PHLDB3: variants seen among roughly 807,000 people sequenced by gnomAD.
PHLDB3 encodes pleckstrin homology like domain family B member 3.
PHLDB3 carries 86 observed loss-of-function variants against 85.7 expected under a neutral mutation model. That is an observed-to-expected ratio of 1.00 (90% CI 0.84 to 1.20). The LOEUF is 1.20. Among genes scored for constraint, PHLDB3 ranks in the 50% most tolerant of loss-of-function variants. PHLDB3 has a pLI of 0.00. For missense variants in PHLDB3, 995 were observed against 873.0 expected (o/e 1.14, Z -1.76); for synonymous variants, 376 against 349.8 (o/e 1.07, Z -0.83).
intron 10 of PHLDB3, 55 bp downstream of exon 10, chr19:43,486,969 T>C: frequency 6.8e-7 from 1 of 1,481,398 alleles, no homozygotes; most frequent in South Asian, 1.4e-5. Context: ...CTCCATCCTC[T>C]GCTGCAGGAT....
chr19:43,504,160 C>A (rs1971694452), intron 1 of PHLDB3, 28 bp from the exon 2 acceptor site: 1 of 1,519,476 alleles, frequency 6.6e-7, no homozygotes, highest in Non-Finnish European at 8.8e-7. Flanking sequence ...CCAGAAGCTC[C>A]GGGGGCGGGG....
At position 43,500,923 on chromosome 19, in the gene PHLDB3, C is replaced by CCCCCCCCCCCA. The variant is rs1555757872; in HGVS notation, c.534+810_534+811insTGGGGGGGGGG. Among the ~76,000 whole-genome samples, 5 of 105,760 alleles carry CCCCCCCCCCCA rather than the reference C, an allele frequency of 4.7e-5. 1 individual carries two copies. The highest frequency in any genetic ancestry group is 8.7e-5 in the Non-Finnish European group (4 of 46,206). The allele number at this position is 105,760 out of a possible 152,430, so 69.4% of individuals were successfully genotyped here. ...CCGCCCCCCGTACCCCCCCCCCACC[C>CCCCCCCCCCCA]CGCAAGTACTGGGATTACAGGTGTG... On this transcript the variant is annotated intron_variant, in intron 4 of 15. Coordinates refer to ENST00000292140, the MANE Select transcript of PHLDB3 (RefSeq NM_198850.4).
At position 43,502,282 on chromosome 19, in the gene PHLDB3, G is replaced by C; in HGVS notation, c.215C>G (p.Pro72Arg). 6.4e-7 allele frequency: 1 copy of C among 1,553,618 alleles called. No individual in the cohort carries two copies. The highest frequency in any genetic ancestry group is 1.2e-5 in the South Asian group (1 of 84,920). The stretch of plus-strand genomic sequence containing the variant: ...CATAGCTATCGGAGGCGTAGCCTCG[G>C]GCTGAAGTTGAGGGGGGCGTGGTTA... ...GSSTESSRDA[P>R]EATPPIAMAA... Residue 72 changes from proline (P) to arginine (R), a missense_variant and splice_region_variant, in exon 3 of 16, where the codon CCC (proline) becomes CGC (arginine). Coordinates refer to ENST00000292140, the MANE Select transcript of PHLDB3 (RefSeq NM_198850.4).
In PHLDB3 at chr19:43,501,956, A is replaced by C. The variant is rs185513779; in HGVS notation, c.397-85T>G. The C allele has an allele frequency of 1.3e-3, 1,976 of 1,487,850 alleles. 16 individuals are homozygous for C. The African/African-American group carries it at 0.025, about 18-fold the overall frequency. 92.2% of individuals were successfully genotyped at this position (1,487,850 alleles called of 1,614,324 possible). A position where few individuals can be genotyped will look rare whatever the true frequency, so the allele number is the denominator to read the frequency against. On this transcript the variant is annotated intron_variant, in intron 3 of 15. Coordinates refer to ENST00000292140, the MANE Select transcript of PHLDB3 (RefSeq NM_198850.4). ...GGCCTGAACTACCGGATTCGAAGGG[A>C]GGATGGACTCCAGGGACCTGAATTT...
chr19:43,500,362 C>A (rs28622038), intron 4 of PHLDB3, among the ~76,000 whole-genome samples: 8,970 of 152,226 alleles, frequency 0.059, 409 homozygotes, highest in Admixed American at 0.13. Flanking sequence ...CTCTAACCAA[C>A]ACCCACTTGC....
At chr19:43,504,329 C>T (rs983620050) in intron 1 of PHLDB3, 197 bp from the exon 2 acceptor site, 28 of 603,726 alleles carry the variant, frequency 4.6e-5, no homozygotes, top group Admixed American at 3.4e-4. Context: ...CGACACGCCA[C>T]CGGAGACGGG....
chr19:43,497,721 A>G (rs1971495294), intron 5 of PHLDB3, 27 bp downstream of exon 5: 1 of 1,546,014 alleles, frequency 6.5e-7, no homozygotes, highest in South Asian at 1.2e-5. Context: ...CAAAAAAAAC[A>G]AAAAAGAAAG....
At position 43,494,886 on chromosome 19, in the gene PHLDB3, C is replaced by A. The variant is rs1971407517; in HGVS notation, c.1036-71G>T. 3 of 1,149,104 alleles carry A rather than the reference C, an allele frequency of 2.6e-6. No individual in the cohort carries two copies. In the South Asian group the frequency reaches 4.2e-5, roughly 16 times the overall value. 71.2% of individuals were successfully genotyped at this position (1,149,104 alleles called of 1,614,324 possible). A position where few individuals can be genotyped will look rare whatever the true frequency, so the allele number is the denominator to read the frequency against. On this transcript the variant is annotated intron_variant, in intron 8 of 15. Coordinates refer to ENST00000292140, the MANE Select transcript of PHLDB3 (RefSeq NM_198850.4). ...GAGCAACTGCCAGTTTCCACGTGCTCTGGCCCATGCCTCTAGTGCCACCCA... is the reference window on the plus strand; with the variant it reads ...GAGCAACTGCCAGTTTCCACGTGCTATGGCCCATGCCTCTAGTGCCACCCA...
intron 9 of PHLDB3, among the ~76,000 whole-genome samples, chr19:43,488,815 T>A (rs1327484580): frequency 2.0e-5 from 3 of 152,044 alleles, no homozygotes; most frequent in African/African-American, 7.2e-5. Context: ...TTTTTTTTTT[T>A]TTGAGTTGGA....
intron 13 of PHLDB3, among the ~76,000 whole-genome samples, chr19:43,484,840 C>T (rs910933676): frequency 3.3e-5 from 5 of 152,002 alleles, no homozygotes; most frequent in Admixed American, 1.3e-4. Flanking sequence ...AAATTGGTGG[C>T]TGGGCACCAA....
intron 12 of PHLDB3, 65 bp from the exon 13 acceptor site, chr19:43,486,387 A>G: frequency 6.8e-7 from 1 of 1,478,452 alleles, no homozygotes; most frequent in South Asian, 1.3e-5. Flanking sequence ...GTGGCTGGAG[A>G]ATGTCCTAGC....
intron 8 of PHLDB3, 131 bp downstream of exon 8, chr19:43,495,125 G>A (rs1432548491): frequency 2.1e-6 from 2 of 942,450 alleles, no homozygotes; most frequent in Non-Finnish European, 3.2e-6. Context: ...GGAGGGGCTG[G>A]GGCCTGGACT....
intron 9 of PHLDB3, 69 bp downstream of exon 9, chr19:43,494,628 GACTCT>G: frequency 8.1e-7 from 1 of 1,227,488 alleles, no homozygotes; most frequent in Non-Finnish European, 1.1e-6. Context: ...CCAGTTCGGG[GACTCT>G]GCTGTTAGCC....
chr19:43,484,309 T>A (rs1971107651), intron 13 of PHLDB3, among the ~76,000 whole-genome samples: 1 of 150,918 alleles, frequency 6.6e-6, no homozygotes, highest in Admixed American at 6.6e-5. Flanking sequence ...AAACATATTT[T>A]GGAGACAATG....
chr19:43,500,350 C>T (rs1178703127), intron 4 of PHLDB3, among the ~76,000 whole-genome samples: 2 of 152,272 alleles, frequency 1.3e-5, no homozygotes, highest in East Asian at 3.9e-4. Context: ...TCAAACCTCT[C>T]CCTCTAACCA....
At chr19:43,493,543 G>A (rs1037395648) in intron 9 of PHLDB3, among the ~76,000 whole-genome samples, 1 of 151,398 alleles carries the variant, frequency 6.6e-6, no homozygotes, top group African/African-American at 2.4e-5. Flanking sequence ...ACTCAAGGAG[G>A]ATCACCTGAG....
At chr19:43,500,972 G>A (rs1168044194) in intron 4 of PHLDB3, among the ~76,000 whole-genome samples, 1 of 133,720 alleles carries the variant, frequency 7.5e-6, no homozygotes, top group African/African-American at 2.9e-5. Context: ...AGCCTAAAAG[G>A]ATTTCTTATC....
chr19:43,479,567 T>TG lies in PHLDB3; in HGVS notation c.1511dup (p.Gly505ArgfsTer53). On this transcript the variant is annotated frameshift_variant, in exon 14 of 16. Transcript: ENST00000292140. LOFTEE classifies it high-confidence loss of function. ...GCCGGAGATCCAAGATTCGCGGGCCTGGAGGGTGGGGTGGGGTGGGTGGGG... is the reference window on the plus strand; with the variant it reads ...GCCGGAGATCCAAGATTCGCGGGCCTGGGAGGGTGGGGTGGGGTGGGTGGGG... The TG allele has an allele frequency of 1.8e-5, 4 of 220,418 alleles. No homozygotes were observed. The highest frequency in any genetic ancestry group is 4.6e-5 in the South Asian group (1 of 21,658). 13.7% of individuals were successfully genotyped at this position (220,418 alleles called of 1,614,324 possible). A position where few individuals can be genotyped will look rare whatever the true frequency, so the allele number is the denominator to read the frequency against.
rs1258735447 is a variant in PHLDB3, at chr19:43,501,737, T to C, written c.531A>G (p.Glu177=). 1.3e-6 allele frequency: 2 copies of C among 1,583,928 alleles called. No individual in the cohort carries two copies. The highest frequency in any genetic ancestry group is 1.7e-6 in the Non-Finnish European group (2 of 1,171,274). Residue 177 remains glutamate, a synonymous_variant, in exon 4 of 16, where the codon GAA becomes GAG. Transcript: ENST00000292140. ...ASEQRGRQQR[E]QEQRRLSQER... ...AGACCCGGTGAGCCAAACAGACCTGTTCCCGCTGCTGGCGGCCGCGCTGCT... is the reference window on the plus strand; with the variant it reads ...AGACCCGGTGAGCCAAACAGACCTGCTCCCGCTGCTGGCGGCCGCGCTGCT...
Sources: allele counts gnomAD v4.1 joint callset (sites outside exome capture counted in the v4.1 genomes callset), GRCh38; gene constraint gnomAD v4.1.1; transcripts MANE v1.5; gene names NCBI Gene and HGNC (gene_info 2026-07-23, HGNC 2026-07-21).